ADAP1: variants seen among roughly 807,000 people sequenced by gnomAD.
ADAP1 encodes arf-GAP with dual PH domain-containing protein 1.
A neutral mutation model predicts 54.9 loss-of-function variants in ADAP1; 31 were observed. The observed-to-expected ratio is 0.56, with a 90% confidence interval of 0.42 to 0.76. The LOEUF is 0.76. Ranked by LOEUF, ADAP1 falls within the 30% of genes least tolerant of loss-of-function variation. ADAP1 has a pLI of 0.00. For missense variants in ADAP1, 535 were observed against 512.4 expected, an observed-to-expected ratio of 1.04 and a Z score of -0.42; for synonymous variants, 313 against 202.6, an observed-to-expected ratio of 1.55 and a Z score of -4.63.
intron 3 of ADAP1, among the ~76,000 whole-genome samples, chr7:925,531 T>A (rs1846352854): frequency 6.8e-6 from 1 of 146,158 alleles, no homozygotes; most frequent in South Asian, 2.4e-4. Context: ...GGACCCCTGA[T>A]CCCACTGCCC....
At chr7:915,151 A>T (rs1026082543) in intron 4 of ADAP1, among the ~76,000 whole-genome samples, 1 of 151,814 alleles carries the variant, frequency 6.6e-6, no homozygotes, top group African/African-American at 2.4e-5. Flanking sequence ...CCTCTGCAAG[A>T]GGCTGCCACC....
chr7:943,789 GGAGGAGGAGGAAGGGAGA>G (rs1209550750), intron 1 of ADAP1, among the ~76,000 whole-genome samples: 1 of 67,800 alleles, frequency 1.5e-5, no homozygotes. Flanking sequence ...GAGGAGGAAG[GGAGGAGGAGGAAGGGAGA>G]GAGGAGGACG....
At chr7:935,644 T>G in intron 1 of ADAP1, 139 bp from the exon 2 acceptor site, 8 of 1,136,578 alleles carry the variant, frequency 7.0e-6, no homozygotes, top group Non-Finnish European at 1.2e-6. Context: ...CCAGGCTCCG[T>G]GCGCCCCACA....
chr7:955,358 C>T (rs186877552), upstream of ADAP1: 29 of 1,550,372 alleles, frequency 1.9e-5, no homozygotes, highest in East Asian at 6.6e-4. Context: ...TTTCCATTTT[C>T]TTCTTGCAGG....
chr7:899,974 G>C, intron 8 of ADAP1, 128 bp downstream of exon 8: 1 of 1,137,548 alleles, frequency 8.8e-7, no homozygotes, highest in East Asian at 2.4e-5. Context: ...CACAGACAAG[G>C]GGCTGTGAGG....
chr7:939,211 A>G (rs1446178329), intron 1 of ADAP1, among the ~76,000 whole-genome samples: 2 of 151,908 alleles, frequency 1.3e-5, no homozygotes, highest in Non-Finnish European at 2.9e-5. Context: ...GCCCTAAAAT[A>G]TTTACTGTCA....
intron 1 of ADAP1, among the ~76,000 whole-genome samples, chr7:942,382 GGA>G (rs1287246098): frequency 3.9e-5 from 4 of 101,900 alleles, no homozygotes; most frequent in South Asian, 3.7e-4. Flanking sequence ...GAGGAGGAAG[GGA>G]GAGAGGAGGA....
chr7:900,142 T>G lies in ADAP1; in HGVS notation c.755A>C (p.Asn252Thr). The stretch of plus-strand genomic sequence containing the variant: ...CTCCATGTAGCCTTCCTTCAGGTAG[T>G]TCCTGGAGAGCTTTGGCACCAGCTA... ...DADLVPKLSR[N>T]YLKEGYMEKT... is the part of the protein sequence containing the mutation. Residue 252 changes from asparagine (N) to threonine (T), a missense_variant, in exon 8 of 11, where the codon AAC becomes ACC. Physicochemically the swap from Asn to Thr is moderately conservative, Grantham distance 65. Coordinates refer to ENST00000265846, the MANE Select transcript of ADAP1 (RefSeq NM_006869.4). 1 of 1,613,222 alleles carries G rather than the reference T, an allele frequency of 6.2e-7. No individual in the cohort carries two copies. The highest frequency in any genetic ancestry group is 8.5e-7 in the Non-Finnish European group (1 of 1,179,930).
intron 2 of ADAP1, among the ~76,000 whole-genome samples, chr7:934,464 C>T (rs1232462609): frequency 6.6e-6 from 1 of 152,062 alleles, no homozygotes; most frequent in Non-Finnish European, 1.5e-5. Flanking sequence ...TACGACCCTC[C>T]CCATCCCCAC....
In ADAP1 at chr7:920,664, G is replaced by A. The variant is rs929824093; in HGVS notation, c.306-614C>T. 23 of 808,636 alleles carry A rather than the reference G, an allele frequency of 2.8e-5. No individual in the cohort carries two copies. The highest frequency in any genetic ancestry group is 3.0e-4 in the Middle Eastern group (1 of 3,340). 50.1% of individuals were successfully genotyped at this position (808,636 alleles called of 1,614,324 possible). On this transcript the variant is annotated intron_variant, in intron 3 of 10. Transcript: ENST00000265846. This position sits in a 1 kb window ranked among gnomAD's most constrained non-coding sequence, Gnocchi z 4.5. ...AATACCCAAGAATCCAGGAAGACCCGGGATGAGGAGAAGCCCCCGAGAGTA... is the reference window on the plus strand; with the variant it reads ...AATACCCAAGAATCCAGGAAGACCCAGGATGAGGAGAAGCCCCCGAGAGTA...
rs776039779 is a variant in ADAP1, at chr7:898,993, T to C, written c.1096+40A>G. 3 of 1,609,942 alleles carry C rather than the reference T, an allele frequency of 1.9e-6. No individual in the cohort carries two copies. In the South Asian group the frequency reaches 3.3e-5, roughly 18 times the overall value. ...CAGCGTTGTCACAGCGGCGGGGAGC[T>C]GGGAGCCCTTCCAGGCCGCCGGCCG... On this transcript the variant is annotated intron_variant, in intron 10 of 10. Coordinates refer to ENST00000265846, the MANE Select transcript of ADAP1 (RefSeq NM_006869.4).
intron 1 of ADAP1, among the ~76,000 whole-genome samples, chr7:947,510 C>T (rs1015790348): frequency 2.0e-5 from 3 of 152,196 alleles, no homozygotes; most frequent in South Asian, 2.1e-4. Context: ...AGGTCCCTCC[C>T]GTCTCCCTGG....
chr7:924,834 C>T (rs1252464632), intron 3 of ADAP1, among the ~76,000 whole-genome samples: 1 of 151,990 alleles, frequency 6.6e-6, no homozygotes, highest in African/African-American at 2.4e-5. Context: ...CAGCTGGGGG[C>T]GGGGTGATAA....
chr7:935,297 C>T (rs1583178326), intron 2 of ADAP1, 78 bp downstream of exon 2: 6 of 1,513,616 alleles, frequency 4.0e-6, no homozygotes, highest in Middle Eastern at 2.3e-4. Context: ...CCAGGCCGCC[C>T]GGCATCTCTG....
intron 1 of ADAP1, among the ~76,000 whole-genome samples, chr7:940,180 A>G (rs1846904853): frequency 6.6e-6 from 1 of 152,056 alleles, no homozygotes; most frequent in Admixed American, 6.6e-5. Flanking sequence ...AATGTGAAGA[A>G]ATAGAGACAC....
chr7:944,374 C>T (rs1847087250), intron 1 of ADAP1, among the ~76,000 whole-genome samples: 5 of 151,472 alleles, frequency 3.3e-5, no homozygotes, highest in Admixed American at 3.3e-4. Flanking sequence ...CCTGTCTCAG[C>T]CTCCCAAGTA....
At position 898,800 on chromosome 7, in the gene ADAP1, C is replaced by G. The variant is rs549200000; in HGVS notation, c.*121G>C. On this transcript the variant is annotated 3_prime_UTR_variant, in exon 11 of 11. Coordinates refer to ENST00000265846, the MANE Select transcript of ADAP1 (RefSeq NM_006869.4). ...AAGCTCGGGCCCTACCTGGCCGCGC[C>G]GGGCTGCCCTGAGGAGCAGGTGGGG... 53 of 1,397,734 alleles carry G rather than the reference C, an allele frequency of 3.8e-5. 1 individual carries two copies. Among genetic ancestry groups the G allele is most frequent in the South Asian group, 3.6e-4 (29 of 80,226 alleles). The allele number at this position is 1,397,734 out of a possible 1,614,324, so 86.6% of individuals were successfully genotyped here.
intron 1 of ADAP1, among the ~76,000 whole-genome samples, chr7:940,330 T>TCA (rs56715852): frequency 0.082 from 11,511 of 140,510 alleles, 519 homozygotes; most frequent in East Asian, 0.13. Context: ...ACAGACCCTG[T>TCA]CACACACACA....
chr7:936,934 C>T (rs900694652), intron 1 of ADAP1, among the ~76,000 whole-genome samples: 17 of 152,212 alleles, frequency 1.1e-4, no homozygotes, highest in South Asian at 2.1e-4. Flanking sequence ...CCATGCCAGG[C>T]GGCGGAGGCC....
Sources: allele counts gnomAD v4.1 joint callset (sites outside exome capture counted in the v4.1 genomes callset), GRCh38; gene constraint gnomAD v4.1.1; non-coding constraint Gnocchi (gnomAD v3.1); transcripts MANE v1.5; gene names NCBI Gene and HGNC (gene_info 2026-07-23, HGNC 2026-07-21).